The following DENND3 variants were observed in gnomAD, a reference collection of about 807,000 sequenced individuals.
The protein encoded by DENND3 is DENN domain containing 3, also known as DENN domain-containing protein 3.
A neutral mutation model predicts 135.1 loss-of-function variants in DENND3; 88 were observed. The ratio of observed to expected loss-of-function variants is 0.65; its 90% CI spans 0.55 to 0.78. The LOEUF is 0.78. Ranked by LOEUF, DENND3 falls within the 30% of genes least tolerant of loss-of-function variation. The pLI is 0.00. For synonymous variants in DENND3, 693 were observed against 712.3 expected (o/e 0.97, Z 0.43); for missense variants, 1,392 against 1,688.4 (o/e 0.82, Z 3.08).
chr8:141,131,354 T>G (rs1816068680), intron 1 of DENND3, among the ~76,000 whole-genome samples: 1 of 152,216 alleles, frequency 6.6e-6, no homozygotes, highest in South Asian at 2.1e-4. Flanking sequence ...CTGAGTACCT[T>G]GCGTAGTACA....
chr8:141,175,082 G>A lies in DENND3; in HGVS notation c.2276-118G>A. On this transcript the variant is annotated intron_variant, in intron 13 of 22. Transcript: ENST00000519811. This position sits in a 1 kb window ranked among gnomAD's most constrained non-coding sequence, Gnocchi z 5.4. ...GTTTCCATCCAGCGCCCTGAGTGCT[G>A]GCGCCACCTGCTGCCGGGTTCCGGT... The A allele has an allele frequency of 1.6e-6, 2 of 1,247,972 alleles. No homozygotes were observed. Among genetic ancestry groups the A allele is most frequent in the Non-Finnish European group, 2.2e-6 (2 of 903,216 alleles). The allele number at this position is 1,247,972 out of a possible 1,614,324, so 77.3% of individuals were successfully genotyped here.
chr8:141,187,201 G>GA (rs1824001771), intron 18 of DENND3, among the ~76,000 whole-genome samples: 1 of 151,214 alleles, frequency 6.6e-6, no homozygotes, highest in African/African-American at 2.4e-5. Context: ...TGTTTAATGT[G>GA]AAAAGAACAC....
At position 141,137,956 on chromosome 8, in the gene DENND3, C is replaced by G. The variant is rs762321150; in HGVS notation, c.386-66C>G. On this transcript the variant is annotated intron_variant, in intron 2 of 22. Transcript: ENST00000519811. This position sits in a 1 kb window ranked among gnomAD's most constrained non-coding sequence, Gnocchi z 4.1. ...TGTGTCCTAAACACTGTGAAGAAAT[C>G]AGCTCGTGGGTAACCCAGGCCACTT... 1.3e-6 allele frequency: 2 copies of G among 1,506,952 alleles called. No homozygotes were observed. Among genetic ancestry groups the G allele is most frequent in the South Asian group, 2.4e-5 (2 of 81,986 alleles). 93.3% of individuals were successfully genotyped at this position (1,506,952 alleles called of 1,614,324 possible).
chr8:141,147,145 G>T (rs1303568864), intron 5 of DENND3, among the ~76,000 whole-genome samples: 4 of 152,100 alleles, frequency 2.6e-5, no homozygotes, highest in Non-Finnish European at 5.9e-5. Context: ...ACTCAGCCTC[G>T]CCGGACTACC....
intron 5 of DENND3, among the ~76,000 whole-genome samples, chr8:141,147,853 G>C (rs955400034): frequency 6.6e-6 from 1 of 152,188 alleles, no homozygotes; most frequent in African/African-American, 2.4e-5. Context: ...GGGATGCCTC[G>C]GATTGCTGTG....
chr8:141,172,692 G>A (rs1016829965), intron 13 of DENND3, among the ~76,000 whole-genome samples: 14 of 152,142 alleles, frequency 9.2e-5, no homozygotes, highest in African/African-American at 3.1e-4. Context: ...GCCTCTCCTC[G>A]CCTGGCCACC....
At position 141,144,276 on chromosome 8, in the gene DENND3, A is replaced by T. The variant is rs893048834; in HGVS notation, c.735+17A>T. On this transcript the variant is annotated intron_variant, in intron 5 of 22. Transcript: ENST00000519811. The surrounding 1 kb of genome is among the most constrained non-coding windows in gnomAD (Gnocchi z 4.4). ...CTCCATTTGGTAAAGTATATCTGAA[A>T]TTATATTGTTTTTTCTTTGCAAATA... 9.5e-6 allele frequency: 15 copies of T among 1,586,626 alleles called. No individual in the cohort carries two copies. Among genetic ancestry groups the T allele is most frequent in the Non-Finnish European group, 1.3e-5 (15 of 1,166,716 alleles).
Position 141,166,264 on chromosome 8 carries a change from A to G in DENND3, c.1628A>G (p.His543Arg), listed in dbSNP as rs368842594. ...GCCTCCCGGAAGTCCTCGCACCTGCATGTCACCCACAGGCGCATGGTGGTC... is the reference window on the plus strand; with the variant it reads ...GCCTCCCGGAAGTCCTCGCACCTGCGTGTCACCCACAGGCGCATGGTGGTC... ...KRASRKSSHLHVTHRRMVVSM... is the reference protein window; with the variant it reads ...KRASRKSSHLRVTHRRMVVSM... Residue 543 changes from histidine (H) to arginine (R), a missense_variant, in exon 12 of 23, where the codon CAT (histidine) becomes CGT (arginine). By Grantham distance (29) the His-to-Arg change is conservative (BLOSUM62 0). Coordinates refer to ENST00000519811, the MANE Select transcript of DENND3 (RefSeq NM_001352890.3). The surrounding 1 kb of genome is among the most constrained non-coding windows in gnomAD (Gnocchi z 4.3). The G allele has an allele frequency of 9.3e-6, 15 of 1,614,012 alleles. No homozygotes were observed. Among genetic ancestry groups the G allele is most frequent in the Middle Eastern group, 1.6e-4 (1 of 6,084 alleles).
intron 22 of DENND3, 94 bp downstream of exon 22, chr8:141,192,757 C>G (rs6990186): frequency 6.2e-7 from 1 of 1,605,834 alleles, no homozygotes; most frequent in African/African-American, 1.3e-5. Context: ...CGCACGCCCT[C>G]GTGCCCTCCT....
intron 17 of DENND3, among the ~76,000 whole-genome samples, chr8:141,181,640 C>T (rs73713356): frequency 0.013 from 1,933 of 152,236 alleles, 36 homozygotes; most frequent in African/African-American, 0.043. Flanking sequence ...TCATGTCGCA[C>T]GTTGAAACTG....
At position 141,128,879 on chromosome 8, in the gene DENND3, G is replaced by A. The variant is rs972099415; in HGVS notation, c.102+70G>A. 36 of 1,177,780 alleles carry A rather than the reference G, an allele frequency of 3.1e-5. No individual in the cohort carries two copies. Among genetic ancestry groups the A allele is most frequent in the Non-Finnish European group, 3.7e-5 (33 of 897,532 alleles). 73.0% of individuals were successfully genotyped at this position (1,177,780 alleles called of 1,614,324 possible). ...AGCCGGGACAGCAGTCGGAGAGCGGGCGCCCGGGTGCCCTGTGGGTTGGCG... is the reference window on the plus strand; with the variant it reads ...AGCCGGGACAGCAGTCGGAGAGCGGACGCCCGGGTGCCCTGTGGGTTGGCG... On this transcript the variant is annotated intron_variant, in intron 1 of 22. Coordinates refer to ENST00000519811, the MANE Select transcript of DENND3 (RefSeq NM_001352890.3). The surrounding 1 kb of genome is among the most constrained non-coding windows in gnomAD (Gnocchi z 4.5).
intron 16 of DENND3, 140 bp from the exon 17 acceptor site, chr8:141,180,607 C>T: frequency 2.6e-6 from 2 of 770,072 alleles, no homozygotes; most frequent in South Asian, 3.8e-5. Context: ...GCCCCGGGTC[C>T]AAGAGACCTT....
At chr8:141,153,092 C>CTTTTTTTTTTTTT (rs35650187) in intron 7 of DENND3, among the ~76,000 whole-genome samples, 2 of 119,376 alleles carry the variant, frequency 1.7e-5, no homozygotes, top group Non-Finnish European at 3.5e-5. Flanking sequence ...CAATATCTTT[C>CTTTTTTTTTTTTT]TTTTTTTTTT....
At position 141,141,344 on chromosome 8, in the gene DENND3, GC is replaced by G; in HGVS notation, c.623+22del. 2.5e-6 allele frequency: 4 copies of G among 1,612,202 alleles called. No homozygotes were observed. Among genetic ancestry groups the G allele is most frequent in the Non-Finnish European group, 3.4e-6 (4 of 1,179,800 alleles). On this transcript the variant is annotated intron_variant, in intron 4 of 22. Transcript: ENST00000519811. This position sits in a 1 kb window ranked among gnomAD's most constrained non-coding sequence, Gnocchi z 5.3. ...TTCCTGGTGAGCTGGGGCACCGGGG[GC>G]CAGGGGTGGTAGGGGGCAGCTCTTT...
intron 7 of DENND3, 28 bp downstream of exon 7, chr8:141,151,865 T>C (rs1364630095): frequency 6.2e-7 from 1 of 1,610,874 alleles, no homozygotes; most frequent in Non-Finnish European, 8.5e-7. Context: ...TGACTTGGAA[T>C]GCTAAATTCC....
intron 15 of DENND3, chr8:141,177,838 GC>G (rs1450226510): frequency 2.1e-6 from 1 of 471,336 alleles, no homozygotes; most frequent in Non-Finnish European, 3.6e-6. Context: ...CTCCTGCCTA[GC>G]CCCTTCTAGA....
intron 5 of DENND3, among the ~76,000 whole-genome samples, chr8:141,145,694 C>T (rs972681425): frequency 2.0e-5 from 3 of 151,448 alleles, no homozygotes; most frequent in African/African-American, 7.3e-5. Context: ...CATGTCAGTT[C>T]ATAGCTCCCT....
At chr8:141,153,516 G>A (rs1352492746) in intron 7 of DENND3, among the ~76,000 whole-genome samples, 6 of 152,224 alleles carry the variant, frequency 3.9e-5, no homozygotes, top group Non-Finnish European at 4.4e-5. Flanking sequence ...TTCCCGGAGC[G>A]TTTTAAAGCA....
intron 3 of DENND3, among the ~76,000 whole-genome samples, chr8:141,140,700 C>G (rs1209384780): frequency 2.0e-5 from 3 of 152,168 alleles, no homozygotes; most frequent in Admixed American, 2.0e-4. Context: ...CAAAAAACCC[C>G]AAACTAACAA....
Sources: gnomAD v4.1 joint callset for allele counts (sites outside exome capture counted in the v4.1 genomes callset) on GRCh38, gnomAD v4.1.1 for gene constraint, Gnocchi (gnomAD v3.1) non-coding constraint, MANE v1.5 for transcripts, NCBI Gene and HGNC (gene_info 2026-07-23, HGNC 2026-07-21) for gene names.